NTN1: variants seen among roughly 807,000 people sequenced by gnomAD.
NTN1 encodes the protein netrin 1.
Under a neutral mutation model 54.2 loss-of-function variants are expected in NTN1, and 11 were observed. The observed-to-expected ratio is 0.20, with a 90% confidence interval of 0.13 to 0.34. The LOEUF (loss-of-function observed/expected upper bound fraction) is 0.34. Among genes scored for constraint, NTN1 ranks in the 10% least tolerant of loss-of-function variants. The pLI, the probability that NTN1 is intolerant of heterozygous loss-of-function variation, is 1.00. For missense variants in NTN1, 740 were observed against 893.1 expected, an observed-to-expected ratio of 0.83 and a Z score of 2.18; for synonymous variants, 371 against 382.0, an observed-to-expected ratio of 0.97 and a Z score of 0.33.
intron 5 of NTN1, among the ~76,000 whole-genome samples, chr17:9,193,383 C>T (rs75792665): frequency 0.072 from 10,927 of 152,142 alleles, 915 homozygotes; most frequent in African/African-American, 0.19. Context: ...TCACATTTTG[C>T]GGTATTTGTT....
In NTN1 at chr17:9,219,850, C is replaced by T. The variant is rs574838274; in HGVS notation, c.1412-1318C>T. 4.6e-5 allele frequency among the ~76,000 whole-genome samples: 7 copies of T among 152,238 alleles called. No individual in the cohort carries two copies. The highest frequency in any genetic ancestry group is 3.4e-3 in the Middle Eastern group (1 of 294). On this transcript the variant is annotated intron_variant, in intron 5 of 6. Coordinates refer to ENST00000173229, the MANE Select transcript of NTN1 (RefSeq NM_004822.3). This position sits in a 1 kb window ranked among gnomAD's most constrained non-coding sequence, Gnocchi z 4.5. ...CCGTGTGTGTGCACGTGTGTGTGCA[C>T]GTGTGTGTTGAATCTTTCCCCTCCT...
intron 2 of NTN1, among the ~76,000 whole-genome samples, chr17:9,156,108 A>G (rs1180937725): frequency 6.6e-6 from 1 of 152,118 alleles, no homozygotes; most frequent in Non-Finnish European, 1.5e-5. Context: ...CCATGTCCCA[A>G]CCTGCCCATG....
intron 2 of NTN1, among the ~76,000 whole-genome samples, chr17:9,102,759 T>C (rs183031918): frequency 1.3e-5 from 2 of 152,302 alleles, no homozygotes; most frequent in East Asian, 3.9e-4. Flanking sequence ...AAGTAGCTTG[T>C]GATATGTCAT....
rs564169860 is a variant in NTN1 at position 9,211,691 on chromosome 17, C to G, written c.1412-9477C>G. 1.8e-4 allele frequency among the ~76,000 whole-genome samples: 27 copies of G among 152,316 alleles called. No homozygotes were observed. Among genetic ancestry groups the G allele is most frequent in the African/African-American group, 6.5e-4 (27 of 41,566 alleles). The stretch of plus-strand genomic sequence containing the variant: ...ATTTTAATCTGTGCCCCAGCCATAT[C>G]GTGTGAGTGTGTGTATGCTTGCCTT... On this transcript the variant is annotated intron_variant, in intron 5 of 6. Transcript: ENST00000173229. The surrounding 1 kb of genome is among the most constrained non-coding windows in gnomAD (Gnocchi z 4.4).
chr17:9,203,090 T>G (rs892924813), intron 5 of NTN1, among the ~76,000 whole-genome samples: 1 of 152,032 alleles, frequency 6.6e-6, no homozygotes, highest in African/African-American at 2.4e-5. Context: ...CCTGGCTAAT[T>G]TTTTTTATTT....
chr17:9,227,986 C>CA (rs1166589831), intron 6 of NTN1, among the ~76,000 whole-genome samples: 2 of 152,198 alleles, frequency 1.3e-5, no homozygotes, highest in African/African-American at 4.8e-5. Context: ...AGTCCTGGCC[C>CA]AGCCTCCCCT....
intron 2 of NTN1, among the ~76,000 whole-genome samples, chr17:9,099,393 G>A (rs1021328473): frequency 2.1e-4 from 32 of 152,082 alleles, no homozygotes; most frequent in African/African-American, 6.5e-4. Context: ...CAACAAGAGC[G>A]AAACTCTGTC....
chr17:9,023,988 G>C (rs992974760), intron 2 of NTN1, among the ~76,000 whole-genome samples: 3 of 152,246 alleles, frequency 2.0e-5, no homozygotes, highest in Non-Finnish European at 4.4e-5. Context: ...AGAATGATGT[G>C]ATTTCAATTA....
chr17:9,226,517 T>TGTCTCGTGGGGAGGC (rs1567745075), intron 6 of NTN1, among the ~76,000 whole-genome samples: 626 of 54,494 alleles, frequency 0.011, 19 homozygotes, highest in Middle Eastern at 0.018. Flanking sequence ...CGTGGGGAGG[T>TGTCTCGTGGGGAGGC]GGTCTCGTGG....
rs1405589503 is a variant in NTN1 at position 9,197,035 on chromosome 17, A to T, written c.1411+14066A>T. On this transcript the variant is annotated intron_variant, in intron 5 of 6. Transcript: ENST00000173229. ...AGTTGACAAATGGTAAAATCAAAGC[A>T]TTTTTTTTTTTTAGTTCCCCAGAGA... Among the ~76,000 whole-genome samples, 8 of 146,494 alleles carry T rather than the reference A, an allele frequency of 5.5e-5. No homozygotes were observed. In the East Asian group the frequency reaches 6.0e-4, roughly 11 times the overall value.
At chr17:9,125,121 G>T (rs2092242533) in intron 2 of NTN1, among the ~76,000 whole-genome samples, 1 of 152,066 alleles carries the variant, frequency 6.6e-6, no homozygotes, top group Admixed American at 6.6e-5. Context: ...GAGTGCAGTG[G>T]CACAATCATG....
chr17:9,070,357 G>A (rs1213511477), intron 2 of NTN1, among the ~76,000 whole-genome samples: 5 of 152,076 alleles, frequency 3.3e-5, no homozygotes, highest in Non-Finnish European at 2.9e-5. Context: ...AATGTCATGC[G>A]TGCTTCTTTC....
chr17:9,026,600 C>G (rs564363181), intron 2 of NTN1, among the ~76,000 whole-genome samples: 1 of 151,866 alleles, frequency 6.6e-6, no homozygotes, highest in Admixed American at 6.6e-5. Flanking sequence ...ACATTCAAGG[C>G]AAAATGCATG....
chr17:9,141,838 G>A (rs958174333), intron 2 of NTN1, among the ~76,000 whole-genome samples: 1 of 152,140 alleles, frequency 6.6e-6, no homozygotes, highest in Admixed American at 6.6e-5. Context: ...GAGGCGGGTG[G>A]ATCACTTGAG....
chr17:9,050,088 T>A (rs1360037290), intron 2 of NTN1, among the ~76,000 whole-genome samples: 2 of 151,276 alleles, frequency 1.3e-5, no homozygotes, highest in Non-Finnish European at 2.9e-5. Flanking sequence ...CTACTAAAAA[T>A]ACAAACAAAT....
At chr17:9,217,883 G>A (rs60454333) in intron 5 of NTN1, among the ~76,000 whole-genome samples, 2,675 of 137,532 alleles carry the variant, frequency 0.019, 41 homozygotes, top group African/African-American at 0.042. Flanking sequence ...AAAAGCAAAC[G>A]CAACTCCAAA....
intron 2 of NTN1, among the ~76,000 whole-genome samples, chr17:9,107,910 T>C (rs1260591076): frequency 1.3e-5 from 2 of 152,242 alleles, no homozygotes; most frequent in Non-Finnish European, 2.9e-5. Flanking sequence ...CTAAGTTTTC[T>C]TTCTGCTGTT....
chr17:9,009,853 C>T, the NTN1 span, among the ~76,000 whole-genome samples: 2 of 152,140 alleles, frequency 1.3e-5, no homozygotes, highest in East Asian at 1.9e-4. Context: ...GAGTGGCCCC[C>T]AACCCGTTTT....
chr17:9,052,469 A>G (rs1319981830), intron 2 of NTN1, among the ~76,000 whole-genome samples: 1 of 152,246 alleles, frequency 6.6e-6, no homozygotes, highest in Non-Finnish European at 1.5e-5. Context: ...TAATAGGTAC[A>G]TCAATCGAAC....
Sources: gnomAD v4.1 joint callset for allele counts (sites outside exome capture counted in the v4.1 genomes callset) on GRCh38, gnomAD v4.1.1 for gene constraint, Gnocchi (gnomAD v3.1) non-coding constraint, MANE v1.5 for transcripts, NCBI Gene and HGNC (gene_info 2026-07-23, HGNC 2026-07-21) for gene names.